The following GALNTL6 variants were observed in gnomAD, a reference collection of about 807,000 sequenced individuals.
The protein encoded by GALNTL6 is polypeptide N-acetylgalactosaminyltransferase-like 6.
In GALNTL6, 46 loss-of-function variants were observed where a neutral mutation model predicts 73.7. The observed-to-expected ratio is 0.62, with a 90% CI of 0.49 to 0.80. The LOEUF is 0.80. GALNTL6 is among the 30% of genes least tolerant of loss of function. The probability of loss-of-function intolerance (pLI) is 0.00; values close to 1 mark genes in which losing one functional copy is unlikely to be tolerated. For missense variants in GALNTL6, 604 were observed against 755.0 expected, an observed-to-expected ratio of 0.80 and a Z score of 2.34; for synonymous variants, 259 against 263.7, an observed-to-expected ratio of 0.98 and a Z score of 0.17.
At chr4:172,222,350 A>AT (rs5864122) in intron 2 of GALNTL6, among the ~76,000 whole-genome samples, 151,954 of 152,070 alleles carry the variant, frequency 1, 75,919 homozygotes, top group Non-Finnish European at 1. Flanking sequence ...TAGTTATTTA[A>AT]AACAAGTGTT....
intron 4 of GALNTL6, among the ~76,000 whole-genome samples, chr4:172,328,210 T>A (rs555115646): frequency 3.3e-5 from 5 of 152,262 alleles, no homozygotes; most frequent in African/African-American, 1.2e-4. Context: ...ATGTTGAATA[T>A]ATGCTCCCAA....
chr4:173,028,464 AT>A (rs1561095555), intron 12 of GALNTL6, among the ~76,000 whole-genome samples: 1 of 151,878 alleles, frequency 6.6e-6, no homozygotes, highest in Admixed American at 6.6e-5. Context: ...TCTAGTTGGA[AT>A]TTCCCCCTCT....
intron 8 of GALNTL6, among the ~76,000 whole-genome samples, chr4:172,924,189 C>T (rs981842092): frequency 6.6e-6 from 1 of 152,158 alleles, no homozygotes; most frequent in African/African-American, 2.4e-5. Flanking sequence ...TTCAGCAGCC[C>T]GCTCTGCCTC....
At chr4:172,069,652 G>A in intron 2 of GALNTL6, among the ~76,000 whole-genome samples, 1 of 60,028 alleles carries the variant, frequency 1.7e-5, no homozygotes, top group Non-Finnish European at 3.3e-5. Context: ...CTCATACATA[G>A]TATCTGACAA....
chr4:172,724,222 A>G (rs1296557485), intron 5 of GALNTL6, among the ~76,000 whole-genome samples: 1 of 152,206 alleles, frequency 6.6e-6, no homozygotes, highest in African/African-American at 2.4e-5. Flanking sequence ...CTAGATTTCA[A>G]TCCTTCTTCT....
intron 2 of GALNTL6, among the ~76,000 whole-genome samples, chr4:172,062,239 C>A (rs1178885072): frequency 6.6e-6 from 1 of 152,072 alleles, no homozygotes; most frequent in East Asian, 1.9e-4. Flanking sequence ...CAGGCATAAG[C>A]CACTACTCCT....
intron 5 of GALNTL6, among the ~76,000 whole-genome samples, chr4:172,801,777 C>CG (rs1740660371): frequency 6.6e-6 from 1 of 152,108 alleles, no homozygotes; most frequent in Non-Finnish European, 1.5e-5. Context: ...ACAGTTGCCC[C>CG]TTGAACAACA....
At chr4:172,470,799 C>T (rs1444515073) in intron 5 of GALNTL6, among the ~76,000 whole-genome samples, 1 of 152,168 alleles carries the variant, frequency 6.6e-6, no homozygotes. Flanking sequence ...TATCTCTATA[C>T]ATGAGATATA....
intron 10 of GALNTL6, among the ~76,000 whole-genome samples, chr4:172,995,813 CA>C (rs1324460785): frequency 6.6e-6 from 1 of 152,174 alleles, no homozygotes; most frequent in Non-Finnish European, 1.5e-5. Context: ...TGTCTCATAA[CA>C]AATATTTGAA....
intron 2 of GALNTL6, among the ~76,000 whole-genome samples, chr4:171,955,713 G>T (rs1739023356): frequency 6.6e-6 from 1 of 151,676 alleles, no homozygotes; most frequent in Admixed American, 6.6e-5. Context: ...TCAATAATAG[G>T]TTGAATCTCC....
At chr4:172,542,185 G>A (rs1406218739) in intron 5 of GALNTL6, among the ~76,000 whole-genome samples, 1 of 151,868 alleles carries the variant, frequency 6.6e-6, no homozygotes, top group African/African-American at 2.4e-5. Context: ...AGTCAGGTTT[G>A]AGGAGGCGGT....
chr4:171,816,637 C>T (rs1305706725), intron 2 of GALNTL6, among the ~76,000 whole-genome samples: 1 of 151,926 alleles, frequency 6.6e-6, no homozygotes, highest in Admixed American at 6.5e-5. Context: ...TGTCAGTCAT[C>T]TACTTTAATA....
intron 3 of GALNTL6, among the ~76,000 whole-genome samples, chr4:172,288,094 A>T (rs891390674): frequency 1.4e-5 from 2 of 144,638 alleles, no homozygotes; most frequent in Admixed American, 6.9e-5. Context: ...GATAGAATTG[A>T]TTTTTTTTTT....
intron 5 of GALNTL6, among the ~76,000 whole-genome samples, chr4:172,740,737 T>C (rs1284465813): frequency 1.3e-5 from 2 of 152,158 alleles, no homozygotes; most frequent in African/African-American, 2.4e-5. Context: ...GTGATTTCAC[T>C]GTTTAAAATT....
chr4:173,014,432 A>G (rs949975298), intron 11 of GALNTL6, among the ~76,000 whole-genome samples: 1 of 152,122 alleles, frequency 6.6e-6, no homozygotes, highest in African/African-American at 2.4e-5. Context: ...CTCTGATGTC[A>G]TGCTGGGGAG....
intron 5 of GALNTL6, among the ~76,000 whole-genome samples, chr4:172,559,171 TCTC>T (rs1333198387): frequency 7.3e-6 from 1 of 137,288 alleles, no homozygotes; most frequent in African/African-American, 2.7e-5. Flanking sequence ...TTCATGCCGT[TCTC>T]CTGCCTCAGC....
At chr4:172,969,311 A>AAGAG (rs1365354069) in intron 10 of GALNTL6, among the ~76,000 whole-genome samples, 3 of 152,172 alleles carry the variant, frequency 2.0e-5, no homozygotes, top group African/African-American at 7.2e-5. Context: ...ACACAAAGAA[A>AAGAG]AGAGAACAAA....
intron 7 of GALNTL6, among the ~76,000 whole-genome samples, chr4:172,878,903 A>T (rs1745320349): frequency 1.3e-5 from 2 of 151,868 alleles, no homozygotes; most frequent in Admixed American, 6.6e-5. Flanking sequence ...AAGTAAAAAG[A>T]TAGAAAAAGT....
At chr4:172,259,375 T>A (rs1331077174) in intron 3 of GALNTL6, among the ~76,000 whole-genome samples, 1 of 151,584 alleles carries the variant, frequency 6.6e-6, no homozygotes, top group Admixed American at 6.6e-5. Context: ...GAGCTTTTTT[T>A]ATGTTTGTCG....
Sources: gnomAD v4.1 joint callset for allele counts (sites outside exome capture counted in the v4.1 genomes callset) on GRCh38, gnomAD v4.1.1 for gene constraint, MANE v1.5 for transcripts, NCBI Gene and HGNC (gene_info 2026-07-23, HGNC 2026-07-21) for gene names.